The following PDE4B variants were observed in gnomAD, a reference collection of about 807,000 sequenced individuals.
PDE4B encodes 3',5'-cyclic-AMP phosphodiesterase 4B.
PDE4B carries 20 observed loss-of-function variants against 82.2 expected under a neutral mutation model. That is an observed-to-expected ratio of 0.24 (90% confidence interval 0.17 to 0.35). The LOEUF (loss-of-function observed/expected upper bound fraction) is 0.35. Ranked by LOEUF, PDE4B falls within the 10% of genes least tolerant of loss-of-function variation. The pLI is 1.00. For synonymous variants in PDE4B, 320 were observed against 318.9 expected (o/e 1.00, Z -0.04); for missense variants, 655 against 907.2 (o/e 0.72, Z 3.57).
At chr1:66,103,909 T>C (rs1244314358) in intron 3 of PDE4B, among the ~76,000 whole-genome samples, 1 of 151,990 alleles carries the variant, frequency 6.6e-6, no homozygotes, top group East Asian at 1.9e-4. Flanking sequence ...GAAATTAAGA[T>C]CGAGAGGCAT....
chr1:65,866,795 A>G (rs1458478649), intron 1 of PDE4B, among the ~76,000 whole-genome samples: 1 of 152,216 alleles, frequency 6.6e-6, no homozygotes, highest in African/African-American at 2.4e-5. Flanking sequence ...CTAAAAGAGT[A>G]AAAAAGGATT....
intron 1 of PDE4B, among the ~76,000 whole-genome samples, chr1:65,807,977 G>T (rs1041614161): frequency 1.3e-5 from 2 of 152,122 alleles, no homozygotes; most frequent in African/African-American, 4.8e-5. Context: ...ATGCCTTTCA[G>T]GTTCCACAGT....
intron 3 of PDE4B, among the ~76,000 whole-genome samples, chr1:66,025,020 A>G (rs1423937797): frequency 6.6e-6 from 1 of 152,062 alleles, no homozygotes; most frequent in African/African-American, 2.4e-5. Context: ...TAGTTTATAC[A>G]GTGCCCTATA....
intron 1 of PDE4B, among the ~76,000 whole-genome samples, chr1:65,852,333 C>T (rs1413157616): frequency 2.0e-5 from 3 of 151,696 alleles, no homozygotes; most frequent in Non-Finnish European, 2.9e-5. Flanking sequence ...TAAAGCAATC[C>T]GAGTTCAGAA....
intron 8 of PDE4B, among the ~76,000 whole-genome samples, chr1:66,348,417 T>A (rs866105970): frequency 2.3e-4 from 35 of 152,304 alleles, no homozygotes; most frequent in Middle Eastern, 6.8e-3. Context: ...TGTCTTTCTC[T>A]ATTAACAGAC....
intron 8 of PDE4B, among the ~76,000 whole-genome samples, chr1:66,337,630 A>G (rs1328602541): frequency 2.0e-5 from 3 of 152,234 alleles, no homozygotes; most frequent in African/African-American, 7.2e-5. Context: ...TTCTAAATTC[A>G]ACCTGACCTT....
intron 3 of PDE4B, among the ~76,000 whole-genome samples, chr1:66,078,891 A>G (rs1656572354): frequency 6.6e-6 from 1 of 152,122 alleles, no homozygotes; most frequent in African/African-American, 2.4e-5. Flanking sequence ...AGTGTGGGCC[A>G]CTTAGAGTTT....
chr1:66,238,690 G>GTA (rs1261840453), intron 3 of PDE4B, among the ~76,000 whole-genome samples: 1 of 149,302 alleles, frequency 6.7e-6, no homozygotes, highest in Non-Finnish European at 1.5e-5. Context: ...GTACAACTGA[G>GTA]TAGATGGTGG....
chr1:66,246,562 GA>G (rs1256699592), intron 3 of PDE4B, among the ~76,000 whole-genome samples: 1 of 152,138 alleles, frequency 6.6e-6, no homozygotes, highest in African/African-American at 2.4e-5. Context: ...GTGTGTGCAG[GA>G]AAAAATGCAT....
At chr1:66,110,388 TG>T (rs1245738183) in intron 3 of PDE4B, among the ~76,000 whole-genome samples, 1 of 151,986 alleles carries the variant, frequency 6.6e-6, no homozygotes, top group African/African-American at 2.4e-5. Flanking sequence ...TAGTTGCAGG[TG>T]TCCATCCTTG....
chr1:65,871,661 T>C (rs1646574720), intron 1 of PDE4B, among the ~76,000 whole-genome samples: 1 of 152,236 alleles, frequency 6.6e-6, no homozygotes, highest in Admixed American at 6.5e-5. Context: ...AGGTTGATAC[T>C]TAGGCACAAG....
chr1:66,207,223 A>G (rs1264214360), intron 3 of PDE4B, among the ~76,000 whole-genome samples: 4 of 152,206 alleles, frequency 2.6e-5, no homozygotes, highest in Non-Finnish European at 5.9e-5. Flanking sequence ...TTATATTTCT[A>G]GTCTTCAAGT....
At chr1:65,967,355 G>A (rs1287656023) in intron 3 of PDE4B, among the ~76,000 whole-genome samples, 2 of 152,290 alleles carry the variant, frequency 1.3e-5, no homozygotes, top group African/African-American at 4.8e-5. Flanking sequence ...ACACCAGTTA[G>A]AATGGCAATC....
At chr1:65,795,711 C>A (rs1645624434) in intron 1 of PDE4B, among the ~76,000 whole-genome samples, 1 of 152,232 alleles carries the variant, frequency 6.6e-6, no homozygotes, top group Non-Finnish European at 1.5e-5. Flanking sequence ...TCTGAAGGAT[C>A]TTTCTAGCTC....
chr1:66,361,587 G>A, intron 9 of PDE4B, 28 bp from the exon 10 acceptor site: 1 of 1,594,182 alleles, frequency 6.3e-7, no homozygotes, highest in Non-Finnish European at 8.6e-7. Flanking sequence ...CACATGTGCT[G>A]AAAAACATAT....
At chr1:66,124,343 A>T (rs1030030129) in intron 3 of PDE4B, among the ~76,000 whole-genome samples, 1 of 152,212 alleles carries the variant, frequency 6.6e-6, no homozygotes. Flanking sequence ...ACTGATGCAA[A>T]TTAGATAAAA....
intron 1 of PDE4B, among the ~76,000 whole-genome samples, chr1:65,848,871 TGGAA>T (rs920023075): frequency 6.6e-6 from 1 of 152,164 alleles, no homozygotes; most frequent in African/African-American, 2.4e-5. Flanking sequence ...TTATTGTGGA[TGGAA>T]GGAAGTTTCT....
At chr1:65,800,342 C>T (rs1645680294) in intron 1 of PDE4B, among the ~76,000 whole-genome samples, 1 of 152,132 alleles carries the variant, frequency 6.6e-6, no homozygotes, top group African/African-American at 2.4e-5. Flanking sequence ...GTGAAAAACT[C>T]AATGCAGAAA....
chr1:66,256,610 A>G (rs895218590), intron 4 of PDE4B, among the ~76,000 whole-genome samples: 5 of 152,224 alleles, frequency 3.3e-5, no homozygotes, highest in Admixed American at 1.3e-4. Context: ...TTAAAAGCCT[A>G]TGACAGAGGA....
Sources: allele counts gnomAD v4.1 joint callset (sites outside exome capture counted in the v4.1 genomes callset), GRCh38; gene constraint gnomAD v4.1.1; transcripts MANE v1.5; gene names NCBI Gene and HGNC (gene_info 2026-07-23, HGNC 2026-07-21).